Variants in TJP2 observed in about 807,000 individuals in gnomAD.
TJP2 encodes tight junction protein 2, also known as Friedreich ataxia region gene X104 (tight junction protein ZO-2).
In TJP2, 91 loss-of-function variants were observed where a neutral mutation model predicts 133.1. The observed-to-expected ratio is 0.68, with a 90% CI of 0.58 to 0.81. TJP2 has a LOEUF of 0.81. Among genes scored for constraint, TJP2 ranks in the 40% least tolerant of loss-of-function variants. The probability of loss-of-function intolerance (pLI) is 0.00; values close to 1 mark genes in which losing one functional copy is unlikely to be tolerated. For missense variants in TJP2, 1,541 were observed against 1,565.6 expected (o/e 0.98, Z 0.26); for synonymous variants, 592 against 583.4 (o/e 1.01, Z -0.21).
At chr9:69,169,044 G>A (rs1034467925) in intron 2 of TJP2, among the ~76,000 whole-genome samples, 3 of 151,954 alleles carry the variant, frequency 2.0e-5, no homozygotes, top group African/African-American at 7.3e-5. Flanking sequence ...GGGCGGGGAC[G>A]GGGGAGGACA....
intron 16 of TJP2, 33 bp downstream of exon 16, chr9:69,238,822 G>C: frequency 6.6e-7 from 1 of 1,507,862 alleles, no homozygotes; most frequent in Non-Finnish European, 9.2e-7. Context: ...CGTGTTTTCA[G>C]AAAGAATTAG....
In TJP2 at chr9:69,221,262, A is replaced by T. The variant is rs1482758412; in HGVS notation, c.718A>T (p.Ser240Cys). Residue 240 changes from serine to cysteine, a missense_variant, in exon 5 of 23, where the codon AGC (serine) becomes TGC (cysteine). Transcript: ENST00000377245. ...ATCCCGGGACCGGGACCGTGACCGC[A>T]GCCGCGGCCGGAGCATTGACCAGGA... Reference protein sequence around the residue: ...GPSRDRDRDRSRGRSIDQDYE... With the variant: ...GPSRDRDRDRCRGRSIDQDYE... 2 of 1,608,298 alleles carry T rather than the reference A, an allele frequency of 1.2e-6. No homozygotes were observed. The highest frequency in any genetic ancestry group is 2.2e-5 in the South Asian group (2 of 90,330).
intron 17 of TJP2, among the ~76,000 whole-genome samples, chr9:69,242,874 T>G (rs1223767796): frequency 6.6e-6 from 1 of 152,210 alleles, no homozygotes; most frequent in African/African-American, 2.4e-5. Flanking sequence ...TAGTTTTTGT[T>G]TGTTTTTGAG....
chr9:69,168,528 C>T (rs1237530000), intron 2 of TJP2, among the ~76,000 whole-genome samples: 1 of 152,170 alleles, frequency 6.6e-6, no homozygotes, highest in Non-Finnish European at 1.5e-5. Flanking sequence ...GACGCGGTGG[C>T]TCATGCCTGT....
intron 1 of TJP2, among the ~76,000 whole-genome samples, chr9:69,147,021 C>T (rs1028623010): frequency 6.6e-6 from 1 of 152,106 alleles, no homozygotes; most frequent in African/African-American, 2.4e-5. Context: ...TGTTATTCTA[C>T]TGTTATTGTC....
chr9:69,241,716 A>G (rs1830586536), intron 17 of TJP2, among the ~76,000 whole-genome samples: 1 of 152,200 alleles, frequency 6.6e-6, no homozygotes, highest in Non-Finnish European at 1.5e-5. Flanking sequence ...TAGCAACAGT[A>G]AAGAGTGGTA....
At chr9:69,189,015 A>G (rs1464109219) in intron 1 of TJP2, among the ~76,000 whole-genome samples, 1 of 152,206 alleles carries the variant, frequency 6.6e-6, no homozygotes, top group Admixed American at 6.5e-5. Flanking sequence ...TACATCCCCT[A>G]AAACATCAAA....
At chr9:69,131,674 G>A (rs1348049447) in intron 1 of TJP2, among the ~76,000 whole-genome samples, 1 of 152,158 alleles carries the variant, frequency 6.6e-6, no homozygotes, top group Non-Finnish European at 1.5e-5. Context: ...TTGCTGTATG[G>A]TCAGGAACTG....
intron 2 of TJP2, among the ~76,000 whole-genome samples, chr9:69,154,617 T>C (rs1439943454): frequency 2.0e-5 from 3 of 149,976 alleles, no homozygotes; most frequent in Admixed American, 6.6e-5. Context: ...AGACCGACCC[T>C]GTCTCCATTA....
chr9:69,179,794 C>T (rs564349738), intron 1 of TJP2, among the ~76,000 whole-genome samples: 15 of 152,218 alleles, frequency 9.9e-5, no homozygotes, highest in South Asian at 2.1e-4. Flanking sequence ...CCACCGCGCC[C>T]GGCTGAAAGT....
chr9:69,209,479 C>T (rs1827694726), intron 1 of TJP2, among the ~76,000 whole-genome samples: 1 of 151,812 alleles, frequency 6.6e-6, no homozygotes. Context: ...TTTGGCCGGG[C>T]GTAGTGGCTC....
rs12348385 is a variant in TJP2 at position 69,243,411 on chromosome 9, T to G, written c.2566+3264T>G. On this transcript the variant is annotated intron_variant, in intron 17 of 22. Transcript: ENST00000377245. ...TTACAAGTCTTACAGTACTTCTCAG[T>G]TAAACAAGAGAAGCTTTATTCTGAG... 7.8e-3 allele frequency among the ~76,000 whole-genome samples: 1,192 copies of G among 152,362 alleles called. 21 individuals carry two copies. Among genetic ancestry groups the G allele is most frequent in the African/African-American group, 0.027 (1,129 of 41,590 alleles).
chr9:69,239,541 T>C (rs540468625), intron 16 of TJP2, among the ~76,000 whole-genome samples: 5 of 152,320 alleles, frequency 3.3e-5, no homozygotes, highest in African/African-American at 1.2e-4. Context: ...ACAAGATAGG[T>C]GGCTCATGCC....
chr9:69,223,084 A>AG (rs1290397424), intron 5 of TJP2, among the ~76,000 whole-genome samples: 1 of 96,252 alleles, frequency 1.0e-5, no homozygotes, highest in Non-Finnish European at 2.2e-5. Context: ...AAAAAAAAAA[A>AG]AAAAAAAGAA....
At chr9:69,225,935 C>G in intron 6 of TJP2, 87 bp from the exon 7 acceptor site, 2 of 1,417,644 alleles carry the variant, frequency 1.4e-6, no homozygotes, top group Non-Finnish European at 2.0e-6. Context: ...CTGAGCAAAG[C>G]CTTTACATTT....
At chr9:69,147,420 C>G (rs1823259884) in intron 1 of TJP2, among the ~76,000 whole-genome samples, 2 of 152,242 alleles carry the variant, frequency 1.3e-5, no homozygotes, top group Non-Finnish European at 2.9e-5. Flanking sequence ...TGGGGAGATG[C>G]AAGCCGTGGC....
chr9:69,155,078 T>TGTGG (rs1458265488), intron 2 of TJP2, among the ~76,000 whole-genome samples: 1 of 151,358 alleles, frequency 6.6e-6, no homozygotes, highest in Non-Finnish European at 1.5e-5. Context: ...ATTAGCCTGG[T>TGTGG]GTGGTGCTGG....
upstream of TJP2, chr9:69,174,199 A>C: frequency 6.5e-6 from 9 of 1,388,530 alleles, no homozygotes; most frequent in African/African-American, 1.5e-5. Flanking sequence ...GGGCGGGCTG[A>C]CGCCGCCGCC....
chr9:69,201,782 G>A (rs1827011007), intron 1 of TJP2, among the ~76,000 whole-genome samples: 1 of 152,252 alleles, frequency 6.6e-6, no homozygotes, highest in East Asian at 1.9e-4. Context: ...GCCTTAGAAA[G>A]GGAGGAACTT....
Sources: allele counts gnomAD v4.1 joint callset (sites outside exome capture counted in the v4.1 genomes callset), GRCh38; gene constraint gnomAD v4.1.1; transcripts MANE v1.5; gene names NCBI Gene and HGNC (gene_info 2026-07-23, HGNC 2026-07-21).